The following RESF1 variants were observed in gnomAD, a reference collection of about 807,000 sequenced individuals.
RESF1 encodes gonad expressed transcript.
In RESF1, 65 loss-of-function variants were observed where a neutral mutation model predicts 134.7. The ratio of observed to expected loss-of-function variants is 0.48; its 90% CI spans 0.40 to 0.59. The LOEUF (loss-of-function observed/expected upper bound fraction) is 0.59, where lower values mean the gene tolerates loss of function less well. RESF1 is among the 20% of genes least tolerant of loss of function. The probability of loss-of-function intolerance (pLI) is 0.00; values close to 1 mark genes in which losing one functional copy is unlikely to be tolerated. For missense variants in RESF1, 2,274 were observed against 2,002.7 expected (o/e 1.14, Z -2.59); for synonymous variants, 762 against 702.2 (o/e 1.09, Z -1.35).
At chr12:31,965,702 C>G (rs1939383659) in intron 2 of RESF1, among the ~76,000 whole-genome samples, 1 of 152,100 alleles carries the variant, frequency 6.6e-6, no homozygotes, top group Non-Finnish European at 1.5e-5. Context: ...ATACTTCTGG[C>G]CAACATGGTG....
chr12:31,959,737 C>G (rs1282770006), intron 1 of RESF1: 3 of 151,440 alleles, frequency 2.0e-5, no homozygotes, highest in Non-Finnish European at 4.4e-5. Flanking sequence ...TTCTGCCCGC[C>G]GCACCGGGGC....
At position 31,981,998 on chromosome 12, in the gene RESF1, A is replaced by G. The variant is rs1424404478; in HGVS notation, c.1043A>G (p.Gln348Arg). Reference protein sequence around the residue: ...TNLKVNTNSKQPFNSPIRSSV... With the variant: ...TNLKVNTNSKRPFNSPIRSSV... ...TTGAAAGTAAATACCAACAGCAAAC[A>G]GCCTTTTAACAGTCCCATTAGATCT... The change falls in exon 4 of 6, where the codon CAG becomes CGG. Residue 348 changes from glutamine to arginine, a missense_variant. By Grantham distance (43) the Gln-to-Arg change is conservative. Coordinates refer to ENST00000312561, the MANE Select transcript of RESF1 (RefSeq NM_018169.4). 1.3e-5 allele frequency: 21 copies of G among 1,614,196 alleles called. No homozygotes were observed. Among genetic ancestry groups the G allele is most frequent in the Non-Finnish European group, 1.8e-5 (21 of 1,180,022 alleles).
intron 5 of RESF1, among the ~76,000 whole-genome samples, chr12:31,991,372 A>G (rs1275007332): frequency 2.0e-5 from 3 of 152,224 alleles, no homozygotes; most frequent in African/African-American, 7.2e-5. Context: ...AAAGAAAGCA[A>G]ACGAAAAAGT....
At position 31,985,884 on chromosome 12, in the gene RESF1, AAAG is replaced by A. The variant is rs1490165542; in HGVS notation, c.4932_4934del (p.Lys1644del). 2.0e-6 allele frequency: 3 copies of A among 1,536,610 alleles called. No individual in the cohort carries two copies. The African/African-American group carries it at 4.2e-5, about 21-fold the overall frequency. On this transcript the variant is annotated inframe_deletion, in exon 4 of 6. Coordinates refer to ENST00000312561, the MANE Select transcript of RESF1 (RefSeq NM_018169.4). ...TTAAATTATGTCCAGATATCTTACT[AAAG>A]AATACAAACTCTGTGGAAGAACGGA...
At chr12:31,978,648 T>A (rs1289679377) in intron 3 of RESF1, among the ~76,000 whole-genome samples, 1 of 151,374 alleles carries the variant, frequency 6.6e-6, no homozygotes, top group Non-Finnish European at 1.5e-5. Context: ...TGGGTTCAAG[T>A]GATTCTCCTG....
At position 31,983,230 on chromosome 12, in the gene RESF1, C is replaced by A; in HGVS notation, c.2275C>A (p.Gln759Lys). The A allele has an allele frequency of 6.2e-7, 1 of 1,609,456 alleles. No homozygotes were observed. The highest frequency in any genetic ancestry group is 8.5e-7 in the Non-Finnish European group (1 of 1,178,084). The part of the protein sequence containing the change: ...GINITKGTEL[Q>K]IAVVSPLVLS... Reference sequence around the variant, plus strand: ...AAATATAACAAAGGGAACAGAACTTCAGATAGCTGTAGTGTCACCGTTAGT... The same window carrying A: ...AAATATAACAAAGGGAACAGAACTTAAGATAGCTGTAGTGTCACCGTTAGT... Residue 759 changes from glutamine to lysine, a missense_variant, in exon 4 of 6, where the codon CAG becomes AAG. By Grantham distance (53) the Gln-to-Lys change is moderately conservative. Transcript: ENST00000312561.
rs749606710 is a variant in RESF1, at chr12:31,983,161, A to T, written c.2206A>T (p.Thr736Ser). Residue 736 changes from threonine (T) to serine (S), a missense_variant, in exon 4 of 6, where the codon ACA (threonine) becomes TCA (serine). Coordinates refer to ENST00000312561, the MANE Select transcript of RESF1 (RefSeq NM_018169.4). ...QNKISNPSQQ[T>S]ALSMVMHNYE... is the part of the protein sequence containing the mutation. ...TAAAATAAGTAATCCCTCACAGCAG[A>T]CAGCTTTGTCGATGGTAATGCACAA... is the stretch of plus-strand genomic sequence containing the variant. The T allele has an allele frequency of 6.2e-7, 1 of 1,611,650 alleles. No homozygotes were observed. The highest frequency in any genetic ancestry group is 8.5e-7 in the Non-Finnish European group (1 of 1,179,188).
chr12:31,990,240 C>T (rs531841234), intron 5 of RESF1, among the ~76,000 whole-genome samples: 20 of 152,146 alleles, frequency 1.3e-4, no homozygotes, highest in African/African-American at 4.3e-4. Flanking sequence ...GAGCACTGCA[C>T]GGTGAATGTG....
intron 2 of RESF1, 118 bp from the exon 3 acceptor site, chr12:31,970,071 C>A (rs1003289712): frequency 3.9e-5 from 6 of 152,178 alleles, no homozygotes; most frequent in African/African-American, 1.2e-4. Flanking sequence ...GACAACTTTT[C>A]AGTTATTTGC....
In RESF1 at chr12:31,985,051, CTCAAA is replaced by C. The variant is rs866497090; in HGVS notation, c.4100_4104del (p.Lys1367SerfsTer2). 10 of 1,582,898 alleles carry C rather than the reference CTCAAA, an allele frequency of 6.3e-6. No homozygotes were observed. In the Admixed American group the frequency reaches 1.6e-4, roughly 25 times the overall value. On this transcript the variant is annotated frameshift_variant, in exon 4 of 6. Transcript: ENST00000312561. LOFTEE classifies it high-confidence loss of function. ...ATCACCAGAAAAGATAAAATTGAAA[CTCAAA>C]TCAGTTAGCTTCAAACAAAAACGAA...
At chr12:31,989,066 G>A (rs1381255488) in intron 5 of RESF1, among the ~76,000 whole-genome samples, 1 of 151,912 alleles carries the variant, frequency 6.6e-6, no homozygotes, top group Non-Finnish European at 1.5e-5. Flanking sequence ...AAAAGCTAGA[G>A]CTCAAGAGTT....
chr12:31,982,638 A>G lies in RESF1; in HGVS notation c.1683A>G (p.Thr561=), dbSNP rs1565845371. ...AAAATTCACCAGCAGTTTGTGAAAC[A>G]ATTTCTGTTCCCAAGTCCATGTCCA... The part of the protein sequence containing the change: ...VEQNSPAVCE[T]ISVPKSMSTE... The change falls in exon 4 of 6, where the codon ACA becomes ACG. Residue 561 remains threonine, a synonymous_variant. Coordinates refer to ENST00000312561, the MANE Select transcript of RESF1 (RefSeq NM_018169.4). The G allele has an allele frequency of 6.2e-7, 1 of 1,614,072 alleles. No homozygotes were observed. Among genetic ancestry groups the G allele is most frequent in the Admixed American group, 1.7e-5 (1 of 60,024 alleles).
chr12:31,989,586 T>C (rs1437251697), intron 5 of RESF1, among the ~76,000 whole-genome samples: 1 of 151,888 alleles, frequency 6.6e-6, no homozygotes, highest in Non-Finnish European at 1.5e-5. Flanking sequence ...GCGAGGTGGC[T>C]CACGCCTGTA....
rs775524485 is a variant in RESF1, at chr12:31,985,170, C to G, written c.4215C>G (p.Phe1405Leu). The G allele has an allele frequency of 2.6e-6, 4 of 1,559,326 alleles. No individual in the cohort carries two copies. The East Asian group carries it at 9.0e-5, about 35-fold the overall frequency. ...AGAAAGGAAGTGTGGGAGCTACATT[C>G]AAATTAGGTGACTCTTTGTCAAACC... is the stretch of plus-strand genomic sequence containing the variant. Reference protein sequence around the residue: ...QEQKGSVGATFKLGDSLSNPN... With the variant: ...QEQKGSVGATLKLGDSLSNPN... Residue 1405 changes from phenylalanine (F) to leucine (L), a missense_variant, in exon 4 of 6, where the codon TTC (phenylalanine) becomes TTG (leucine). Phe to Leu is a conservative substitution (Grantham distance 22). Transcript: ENST00000312561.
At chr12:31,962,097 G>C (rs545098477) in intron 2 of RESF1, among the ~76,000 whole-genome samples, 2 of 152,080 alleles carry the variant, frequency 1.3e-5, no homozygotes, top group Non-Finnish European at 2.9e-5. Flanking sequence ...TTAGTCGGGC[G>C]TGGTGGCACA....
At chr12:31,991,197 C>CAAAA (rs34643110) in intron 5 of RESF1, among the ~76,000 whole-genome samples, 22,129 of 138,988 alleles carry the variant, frequency 0.16, 1,918 homozygotes, top group Middle Eastern at 0.23. Context: ...GACCCTGTCT[C>CAAAA]AAAAAAAAAA....
At position 31,983,303 on chromosome 12, in the gene RESF1, T is replaced by C; in HGVS notation, c.2348T>C (p.Val783Ala). 6.8e-6 allele frequency: 11 copies of C among 1,614,088 alleles called. No individual in the cohort carries two copies. Among genetic ancestry groups the C allele is most frequent in the Non-Finnish European group, 9.3e-6 (11 of 1,179,990 alleles). ...TCTGTCAAAGGAATAACACCTGCAG[T>C]GTTACCTGAAACAGTGTATCCCGTT... is the stretch of plus-strand genomic sequence containing the variant. ...TLSVKGITPA[V>A]LPETVYPVIK... is the part of the protein sequence containing the mutation. The change falls in exon 4 of 6, where the codon GTG becomes GCG. Residue 783 changes from valine to alanine, a missense_variant. By Grantham distance (64) the Val-to-Ala change is moderately conservative. Coordinates refer to ENST00000312561, the MANE Select transcript of RESF1 (RefSeq NM_018169.4).
chr12:31,973,213 CATT>C (rs1410678154), intron 3 of RESF1, among the ~76,000 whole-genome samples: 1 of 152,008 alleles, frequency 6.6e-6, no homozygotes, highest in Non-Finnish European at 1.5e-5. Flanking sequence ...TCTAAGAATA[CATT>C]ATATCCACAA....
chr12:31,992,669 T>A lies in RESF1; in HGVS notation c.*134T>A. ...TGGTTCCCACTTTCATTGTATTTCA[T>A]TGAAAGTGCTTAATTAAAATGGCTT... On this transcript the variant is annotated 3_prime_UTR_variant, in exon 6 of 6. Coordinates refer to ENST00000312561, the MANE Select transcript of RESF1 (RefSeq NM_018169.4). 2.2e-6 allele frequency: 2 copies of A among 902,038 alleles called. No individual in the cohort carries two copies. The highest frequency in any genetic ancestry group is 3.5e-6 in the Non-Finnish European group (2 of 569,104). The allele number at this position is 902,038 out of a possible 1,614,324, so 55.9% of individuals were successfully genotyped here.
Sources: allele counts gnomAD v4.1 joint callset (sites outside exome capture counted in the v4.1 genomes callset), GRCh38; gene constraint gnomAD v4.1.1; transcripts MANE v1.5; gene names NCBI Gene and HGNC (gene_info 2026-07-23, HGNC 2026-07-21).